The following ITGA11 variants were observed in gnomAD, a reference collection of about 807,000 sequenced individuals.
ITGA11 encodes integrin subunit alpha 11, also known as integrin alpha-11.
In ITGA11, 97 loss-of-function variants were observed where a neutral mutation model predicts 141.9. The observed-to-expected ratio is 0.68, with a 90% CI of 0.58 to 0.81. ITGA11 has a LOEUF of 0.81. Ranked by LOEUF, ITGA11 falls within the 30% of genes least tolerant of loss-of-function variation. ITGA11 has a pLI of 0.00. For synonymous variants in ITGA11, 658 were observed against 624.6 expected (o/e 1.05, Z -0.80); for missense variants, 1,387 against 1,559.2 (o/e 0.89, Z 1.86).
chr15:68,306,908 T>G (rs1180348118), intron 28 of ITGA11, among the ~76,000 whole-genome samples: 2 of 152,240 alleles, frequency 1.3e-5, no homozygotes, highest in East Asian at 1.9e-4. Context: ...TTGCTTGCTT[T>G]CTTTTACAAA....
At chr15:68,384,841 A>C (rs1336979547) in intron 2 of ITGA11, among the ~76,000 whole-genome samples, 1 of 152,000 alleles carries the variant, frequency 6.6e-6, no homozygotes, top group Non-Finnish European at 1.5e-5. Flanking sequence ...GATGTTGCTC[A>C]GAAAGGCTTC....
intron 14 of ITGA11, among the ~76,000 whole-genome samples, chr15:68,331,576 G>C (rs1341570787): frequency 1.3e-5 from 2 of 151,864 alleles, no homozygotes; most frequent in African/African-American, 4.8e-5. Context: ...CGTCTCGGGG[G>C]GAGTGAGGGT....
intron 2 of ITGA11, among the ~76,000 whole-genome samples, chr15:68,376,817 G>T (rs1895740210): frequency 1.3e-5 from 2 of 152,216 alleles, no homozygotes; most frequent in African/African-American, 4.8e-5. Context: ...CACACTTGCT[G>T]GTCATCAGGA....
chr15:68,363,105 T>C (rs1895303958), intron 4 of ITGA11, among the ~76,000 whole-genome samples: 1 of 152,078 alleles, frequency 6.6e-6, no homozygotes, highest in South Asian at 2.1e-4. Context: ...GATGATTACA[T>C]GGGAGATTGA....
intron 2 of ITGA11, among the ~76,000 whole-genome samples, chr15:68,371,799 C>G (rs947315627): frequency 2.0e-5 from 3 of 151,934 alleles, no homozygotes; most frequent in East Asian, 3.9e-4. Flanking sequence ...CTGGTGGCTT[C>G]CGAAAAGTCA....
chr15:68,301,910 C>A lies in ITGA11; in HGVS notation c.*1149G>T, dbSNP rs1322746308. On this transcript the variant is annotated 3_prime_UTR_variant, in exon 30 of 30. Transcript: ENST00000315757. This position sits in a 1 kb window ranked among gnomAD's most constrained non-coding sequence, Gnocchi z 4.4. Reference sequence around the variant, plus strand: ...TCATACCACTTGTCCTGGGGGCCGGCAGATGAGATATTTGCCACCAAGGCT... The same window carrying A: ...TCATACCACTTGTCCTGGGGGCCGGAAGATGAGATATTTGCCACCAAGGCT... The A allele has an allele frequency of 2.6e-5, 4 of 152,684 alleles. No individual in the cohort carries two copies. 9.5% of individuals were successfully genotyped at this position (152,684 alleles called of 1,614,324 possible).
Position 68,400,865 on chromosome 15 carries a change from A to T in ITGA11, c.164+2053T>A, listed in dbSNP as rs182311100. On this transcript the variant is annotated intron_variant, in intron 2 of 29. Coordinates refer to ENST00000315757, the MANE Select transcript of ITGA11 (RefSeq NM_001004439.2). Reference sequence around the variant, plus strand: ...ATATTATATATTATATAATAAATATAATATTATATATTATATAATAAATAT... The same window carrying T: ...ATATTATATATTATATAATAAATATTATATTATATATTATATAATAAATAT... Among the ~76,000 whole-genome samples, 102 of 20,718 alleles carry T rather than the reference A, an allele frequency of 4.9e-3. 18 individuals are homozygous for T. Among genetic ancestry groups the T allele is most frequent in the African/African-American group, 0.018 (68 of 3,838 alleles). 13.6% of individuals were successfully genotyped at this position (20,718 alleles called of 152,430 possible).
Position 68,432,127 on chromosome 15 carries a change from C to T in ITGA11, c.-61G>A. 5 of 1,249,644 alleles carry T rather than the reference C, an allele frequency of 4.0e-6. No homozygotes were observed. Among genetic ancestry groups the T allele is most frequent in the Non-Finnish European group, 5.1e-6 (5 of 972,334 alleles). The allele number at this position is 1,249,644 out of a possible 1,614,324, so 77.4% of individuals were successfully genotyped here. On this transcript the variant is annotated 5_prime_UTR_variant, in exon 1 of 30. Transcript: ENST00000315757. ...GGCGGCGGGGGGCGGCAAGCCAGAG[C>T]GGCAGCCTCCTCGGCGCGGCGCCTG...
Position 68,304,282 on chromosome 15 carries a change from C to T in ITGA11, c.3382-397G>A, listed in dbSNP as rs1043532921. On this transcript the variant is annotated intron_variant, in intron 28 of 29. Coordinates refer to ENST00000315757, the MANE Select transcript of ITGA11 (RefSeq NM_001004439.2). The surrounding 1 kb of genome is among the most constrained non-coding windows in gnomAD (Gnocchi z 6.1). Reference sequence around the variant, plus strand: ...CCTCTTCTTTTTCTAGAGTCACTTCCTGGGTGAACTCAGGGCTGACTTTCC... The same window carrying T: ...CCTCTTCTTTTTCTAGAGTCACTTCTTGGGTGAACTCAGGGCTGACTTTCC... Among the ~76,000 whole-genome samples, 4 of 152,288 alleles carry T rather than the reference C, an allele frequency of 2.6e-5. No homozygotes were observed. The East Asian group carries it at 5.8e-4, about 22-fold the overall frequency.
rs947899708 is a variant in ITGA11 at position 68,321,911 on chromosome 15, C to CAAAAA, written c.2323-413_2323-409dup. Among the ~76,000 whole-genome samples, 6 of 152,076 alleles carry CAAAAA rather than the reference C, an allele frequency of 3.9e-5. No individual in the cohort carries two copies. Among genetic ancestry groups the CAAAAA allele is most frequent in the African/African-American group, 1.4e-4 (6 of 41,480 alleles). ...GAACAAATCACTAGTGTAAAATGTG[C>CAAAAA]AAAAAAACCGAAAAGAAATGTGCAT... On this transcript the variant is annotated intron_variant, in intron 18 of 29. Coordinates refer to ENST00000315757, the MANE Select transcript of ITGA11 (RefSeq NM_001004439.2). This position sits in a 1 kb window ranked among gnomAD's most constrained non-coding sequence, Gnocchi z 4.9.
At chr15:68,353,128 T>A (rs1326862855) in intron 7 of ITGA11, among the ~76,000 whole-genome samples, 1 of 152,230 alleles carries the variant, frequency 6.6e-6, no homozygotes, top group Non-Finnish European at 1.5e-5. Context: ...GTATCAGAGG[T>A]ATCTCTTCTT....
intron 1 of ITGA11, among the ~76,000 whole-genome samples, chr15:68,426,015 T>C (rs1484620013): frequency 6.6e-6 from 1 of 152,318 alleles, no homozygotes; most frequent in Admixed American, 6.5e-5. Flanking sequence ...TTCTATGTTA[T>C]AGAACGAGGC....
At chr15:68,386,931 C>G (rs1393854590) in intron 2 of ITGA11, among the ~76,000 whole-genome samples, 1 of 150,764 alleles carries the variant, frequency 6.6e-6, no homozygotes, top group Admixed American at 6.6e-5. Context: ...AGGGCAGCCT[C>G]CCTTCGCCTT....
intron 2 of ITGA11, among the ~76,000 whole-genome samples, chr15:68,375,144 T>C (rs1895696673): frequency 6.6e-6 from 1 of 152,176 alleles, no homozygotes; most frequent in Admixed American, 6.5e-5. Context: ...CAGGAGCCTC[T>C]CACCTCTCTC....
chr15:68,357,832 G>A (rs1431272753), intron 6 of ITGA11, among the ~76,000 whole-genome samples: 4 of 152,146 alleles, frequency 2.6e-5, no homozygotes, highest in South Asian at 4.1e-4. Context: ...TTTGGCACAC[G>A]TGCCCTTCTA....
rs775809251 is a variant in ITGA11, at chr15:68,303,896, A to AG, written c.3382-12dup. The stretch of plus-strand genomic sequence containing the variant: ...GATCTCAAACACGATCTGCAAGGGG[A>AG]GGGGGGCCGGGCCAACAGCATTACT... On this transcript the variant is annotated splice_polypyrimidine_tract_variant and intron_variant, in intron 28 of 29. Transcript: ENST00000315757. This position sits in a 1 kb window ranked among gnomAD's most constrained non-coding sequence, Gnocchi z 5.3. 3.2e-6 allele frequency: 5 copies of AG among 1,543,038 alleles called. No homozygotes were observed. Among genetic ancestry groups the AG allele is most frequent in the Non-Finnish European group, 4.4e-6 (5 of 1,124,130 alleles).
chr15:68,312,143 G>A (rs1403502200), intron 24 of ITGA11, among the ~76,000 whole-genome samples: 1 of 152,226 alleles, frequency 6.6e-6, no homozygotes, highest in African/African-American at 2.4e-5. Flanking sequence ...CTGCCAAATT[G>A]CCTCCTAACT....
chr15:68,312,271 C>T (rs951310173), intron 24 of ITGA11, among the ~76,000 whole-genome samples: 4 of 152,198 alleles, frequency 2.6e-5, no homozygotes, highest in African/African-American at 9.7e-5. Flanking sequence ...GAGTAAGGAA[C>T]TGCCAGGGAG....
chr15:68,351,279 G>A lies in ITGA11; in HGVS notation c.873C>T (p.Asn291=), dbSNP rs776791415. ...TTACGGCCACCGCATATCTTGTTAC[G>A]TTGTCTCTTTCGCTTTGCTGGATCA... ...EKVIQQSERD[N]VTRYAVAVLG... Residue 291 remains asparagine, a synonymous_variant, in exon 8 of 30, where the codon AAC becomes AAT. Transcript: ENST00000315757. 1.1e-5 allele frequency: 18 copies of A among 1,614,000 alleles called. No individual in the cohort carries two copies. The highest frequency in any genetic ancestry group is 1.7e-4 in the Middle Eastern group (1 of 6,056).
Sources: allele counts gnomAD v4.1 joint callset (sites outside exome capture counted in the v4.1 genomes callset), GRCh38; gene constraint gnomAD v4.1.1; non-coding constraint Gnocchi (gnomAD v3.1); transcripts MANE v1.5; gene names NCBI Gene and HGNC (gene_info 2026-07-23, HGNC 2026-07-21).